The following TVP23A variants were observed in gnomAD, a reference collection of about 807,000 sequenced individuals.
The protein encoded by TVP23A is trans-golgi network vesicle protein 23 homolog A.
A neutral mutation model predicts 31.7 loss-of-function variants in TVP23A; 21 were observed. The ratio of observed to expected loss-of-function variants is 0.66; its 90% CI spans 0.47 to 0.95. The LOEUF is 0.95. Among genes scored for constraint, TVP23A ranks in the 40% least tolerant of loss-of-function variants. The probability of loss-of-function intolerance (pLI) is 0.00; values close to 1 mark genes in which losing one functional copy is unlikely to be tolerated. For synonymous variants in TVP23A, 104 were observed against 96.0 expected (o/e 1.08, Z -0.49); for missense variants, 279 against 255.6 (o/e 1.09, Z -0.62).
chr16:10,762,435 C>T (rs1001399999), downstream of TVP23A, among the ~76,000 whole-genome samples: 4 of 152,190 alleles, frequency 2.6e-5, no homozygotes, highest in African/African-American at 4.8e-5. Flanking sequence ...GAAGGAGGGA[C>T]GGGGTTTCAC....
chr16:10,817,520 A>C (rs1412504374), intron 2 of TVP23A, among the ~76,000 whole-genome samples: 1 of 152,186 alleles, frequency 6.6e-6, no homozygotes, highest in Admixed American at 6.5e-5. Context: ...TAGAGGTCTC[A>C]GGCAGTTAAG....
intron 2 of TVP23A, among the ~76,000 whole-genome samples, chr16:10,816,228 CAAAAAAAAA>C (rs760801777): frequency 2.7e-5 from 2 of 73,828 alleles, no homozygotes; most frequent in African/African-American, 7.5e-5. Flanking sequence ...AACCCTATCT[CAAAAAAAAA>C]AAAAAAAAAA....
chr16:10,770,500 T>C (rs578243445), intron 6 of TVP23A, among the ~76,000 whole-genome samples, 169 bp from the exon 7 acceptor site: 2 of 152,188 alleles, frequency 1.3e-5, no homozygotes, highest in South Asian at 4.1e-4. Flanking sequence ...TTCTACCCAT[T>C]TCAGGATGAA....
At chr16:10,813,999 C>CAAAAAAAAAAAAAAAAAAAAAAAAAAA in intron 2 of TVP23A, among the ~76,000 whole-genome samples, 1 of 49,520 alleles carries the variant, frequency 2.0e-5, no homozygotes, top group Non-Finnish European at 5.7e-5. Flanking sequence ...AACTCCATCT[C>CAAAAAAAAAAAAAAAAAAAAAAAAAAA]AAAAAAAAAA....
At chr16:10,792,857 A>AGGCTGATT (rs894817743) in intron 2 of TVP23A, among the ~76,000 whole-genome samples, 3 of 152,272 alleles carry the variant, frequency 2.0e-5, no homozygotes, top group Admixed American at 6.5e-5. Flanking sequence ...ATCTGAGCAG[A>AGGCTGATT]GGCTGATTGC....
At chr16:10,801,838 T>C (rs1316636241) in intron 2 of TVP23A, among the ~76,000 whole-genome samples, 1 of 152,130 alleles carries the variant, frequency 6.6e-6, no homozygotes, top group Non-Finnish European at 1.5e-5. Flanking sequence ...GTTTCCATAA[T>C]CGCACTCTGC....
At chr16:10,801,726 A>G (rs1277589231) in intron 2 of TVP23A, among the ~76,000 whole-genome samples, 1 of 152,174 alleles carries the variant, frequency 6.6e-6, no homozygotes, top group Admixed American at 6.5e-5. Context: ...AAAAGATTAC[A>G]GGCATGAGCC....
chr16:10,777,111 T>C lies in TVP23A; in HGVS notation c.90-2015A>G, dbSNP rs1317180917. 6.6e-6 allele frequency among the ~76,000 whole-genome samples: 1 copy of C among 152,086 alleles called. No homozygotes were observed. The highest frequency in any genetic ancestry group is 2.4e-5 in the African/African-American group (1 of 41,404). On this transcript the variant is annotated intron_variant, in intron 2 of 7. Coordinates refer to ENST00000299866, the MANE Select transcript of TVP23A (RefSeq NM_001079512.4). This position sits in a 1 kb window ranked among gnomAD's most constrained non-coding sequence, Gnocchi z 4.5. ...CAGCCCCTATTCAAGATGGAGTTGCTCTGGTTCACACGCCTCTGACACAGT... is the reference window on the plus strand; with the variant it reads ...CAGCCCCTATTCAAGATGGAGTTGCCCTGGTTCACACGCCTCTGACACAGT...
intron 2 of TVP23A, among the ~76,000 whole-genome samples, chr16:10,791,563 G>T (rs557861069): frequency 6.6e-6 from 1 of 152,168 alleles, no homozygotes. Flanking sequence ...AATAGGAAAA[G>T]GCTACCTCGG....
chr16:10,812,552 G>C (rs1217058714), intron 2 of TVP23A, among the ~76,000 whole-genome samples: 1 of 152,172 alleles, frequency 6.6e-6, no homozygotes, highest in Non-Finnish European at 1.5e-5. Flanking sequence ...TCATATCATG[G>C]AACTATTATC....
downstream of TVP23A, chr16:10,757,811 G>C: frequency 6.4e-7 from 1 of 1,570,854 alleles, no homozygotes; most frequent in Middle Eastern, 1.7e-4. This position sits in a 1 kb window ranked among gnomAD's most constrained non-coding sequence, Gnocchi z 4.1. Flanking sequence ...AAAAAAAAGA[G>C]GGAGTTGAAA....
chr16:10,758,736 G>T (rs1900743239), downstream of TVP23A, among the ~76,000 whole-genome samples: 1 of 152,182 alleles, frequency 6.6e-6, no homozygotes, highest in South Asian at 2.1e-4. Flanking sequence ...GGATGATTTA[G>T]GAAATCTCTC....
At chr16:10,804,893 C>T (rs1397068654) in intron 2 of TVP23A, among the ~76,000 whole-genome samples, 1 of 152,046 alleles carries the variant, frequency 6.6e-6, no homozygotes, top group Non-Finnish European at 1.5e-5. Context: ...CAAACATTTC[C>T]ATCACTCCAA....
chr16:10,800,786 C>T (rs2033658318), intron 2 of TVP23A, among the ~76,000 whole-genome samples: 1 of 151,976 alleles, frequency 6.6e-6, no homozygotes, highest in East Asian at 1.9e-4. Context: ...GAGTTCAAGA[C>T]CAGCCTGGGC....
intron 2 of TVP23A, among the ~76,000 whole-genome samples, chr16:10,794,358 C>A (rs189517097): frequency 2.6e-4 from 39 of 152,304 alleles, no homozygotes; most frequent in Non-Finnish European, 4.4e-4. Context: ...CTTATAAAGA[C>A]CCCAGTCATA....
intron 2 of TVP23A, among the ~76,000 whole-genome samples, chr16:10,778,057 G>A (rs576313856): frequency 6.6e-6 from 1 of 152,046 alleles, no homozygotes; most frequent in East Asian, 1.9e-4. Flanking sequence ...AGGATCACCA[G>A]GTGTGGTGGC....
At chr16:10,792,191 T>A (rs1007083723) in intron 2 of TVP23A, among the ~76,000 whole-genome samples, 2 of 152,216 alleles carry the variant, frequency 1.3e-5, no homozygotes, top group Non-Finnish European at 2.9e-5. Flanking sequence ...CTCTTTCTTT[T>A]GCCTATTAAA....
downstream of TVP23A, chr16:10,757,772 G>T: frequency 6.9e-7 from 1 of 1,457,186 alleles, no homozygotes. This position sits in a 1 kb window ranked among gnomAD's most constrained non-coding sequence, Gnocchi z 4.1. Flanking sequence ...GAGCCAACCT[G>T]GGCAACATAG....
At chr16:10,808,654 G>C in intron 2 of TVP23A, 1 of 399,750 alleles carries the variant, frequency 2.5e-6, no homozygotes, top group South Asian at 1.8e-5. Context: ...GTGCATGCTT[G>C]TATTCCCAGC....
Sources: allele counts gnomAD v4.1 joint callset (sites outside exome capture counted in the v4.1 genomes callset), GRCh38; gene constraint gnomAD v4.1.1; non-coding constraint Gnocchi (gnomAD v3.1); transcripts MANE v1.5; gene names NCBI Gene and HGNC (gene_info 2026-07-23, HGNC 2026-07-21).